Variants in RASA1 observed in about 807,000 individuals in gnomAD.
The protein encoded by RASA1 is ras GTPase-activating protein 1.
A neutral mutation model predicts 132.2 loss-of-function variants in RASA1; 25 were observed. The observed-to-expected ratio is 0.19, with a 90% CI of 0.14 to 0.26. RASA1 has a LOEUF of 0.26. Ranked by LOEUF, RASA1 falls within the 10% of genes least tolerant of loss-of-function variation. RASA1 has a pLI of 1.00. For synonymous variants in RASA1, 477 were observed against 449.9 expected (o/e 1.06, Z -0.76); for missense variants, 964 against 1,299.2 (o/e 0.74, Z 3.97).
At chr5:87,310,988 A>T (rs1458496265) in intron 1 of RASA1, among the ~76,000 whole-genome samples, 1 of 152,198 alleles carries the variant, frequency 6.6e-6, no homozygotes, top group Non-Finnish European at 1.5e-5. Flanking sequence ...AGTAAAAATT[A>T]TTAATTTTAT....
Position 87,376,352 on chromosome 5 carries a change from G to A in RASA1, c.2012-41G>A, listed in dbSNP as rs778893032. On this transcript the variant is annotated intron_variant, in intron 15 of 24. Transcript: ENST00000274376. ...ATTTACTTGCATGACTAATTATCGT[G>A]TTCTCTTTTTAAACAATAATTGCTT... 14 of 1,607,058 alleles carry A rather than the reference G, an allele frequency of 8.7e-6. No individual in the cohort carries two copies. In the East Asian group the frequency reaches 2.7e-4, roughly 31 times the overall value.
At chr5:87,362,225 TTA>T (rs757974315) in intron 9 of RASA1, among the ~76,000 whole-genome samples, 8 of 152,216 alleles carry the variant, frequency 5.3e-5, no homozygotes, top group Non-Finnish European at 7.3e-5. Flanking sequence ...TGGGACAAGT[TTA>T]TGTTTTTAAA....
intron 1 of RASA1, among the ~76,000 whole-genome samples, chr5:87,271,630 C>T (rs1753845370): frequency 6.6e-6 from 1 of 151,114 alleles, no homozygotes; most frequent in Non-Finnish European, 1.5e-5. Flanking sequence ...TTACAGGTGC[C>T]CGCAACCAGG....
chr5:87,270,834 A>T (rs1753799249), intron 1 of RASA1, among the ~76,000 whole-genome samples: 1 of 152,038 alleles, frequency 6.6e-6, no homozygotes, highest in Admixed American at 6.6e-5. Flanking sequence ...AACGGGATGT[A>T]GTATTCCACT....
chr5:87,329,704 C>T (rs569028860), intron 1 of RASA1, among the ~76,000 whole-genome samples: 1 of 152,028 alleles, frequency 6.6e-6, no homozygotes, highest in Admixed American at 6.6e-5. Context: ...TTAATTTTAT[C>T]TTTGTTGGGT....
intron 1 of RASA1, among the ~76,000 whole-genome samples, chr5:87,325,117 A>C (rs1757134336): frequency 6.6e-6 from 1 of 152,078 alleles, no homozygotes; most frequent in African/African-American, 2.4e-5. Flanking sequence ...GCGGAAGGGG[A>C]AGCAAACATG....
At chr5:87,366,688 A>G (rs1308536206) in intron 11 of RASA1, among the ~76,000 whole-genome samples, 1 of 152,202 alleles carries the variant, frequency 6.6e-6, no homozygotes, top group African/African-American at 2.4e-5. Context: ...CTAGTATGAA[A>G]AAGTTATGTT....
At position 87,376,428 on chromosome 5, in the gene RASA1, G is replaced by C; in HGVS notation, c.2047G>C (p.Gly683Arg). The change falls in exon 16 of 25, where the codon GGG becomes CGG. Residue 683 changes from glycine (G) to arginine (R), a missense_variant. Around this residue, in one of 6 missense-constraint regions of RASA1, gnomAD observed 346 missense variants for 520.1 expected, o/e 0.67. Transcript: ENST00000274376. ...CTGCCAGTTGAGCCGATTACAGAAA[G>C]GGCATGCCACAGATGAATGGTTTCT... ...MRCQLSRLQK[G>R]HATDEWFLLS... The C allele has an allele frequency of 6.2e-7, 1 of 1,613,974 alleles. No homozygotes were observed. Among genetic ancestry groups the C allele is most frequent in the Non-Finnish European group, 8.5e-7 (1 of 1,179,966 alleles).
chr5:87,277,521 G>A (rs2112239190), intron 1 of RASA1, among the ~76,000 whole-genome samples: 1 of 152,274 alleles, frequency 6.6e-6, no homozygotes, highest in East Asian at 1.9e-4. Context: ...GCCTTCATTT[G>A]TCAGCTAAGG....
chr5:87,355,394 C>T (rs998386901), intron 9 of RASA1, among the ~76,000 whole-genome samples: 10 of 152,184 alleles, frequency 6.6e-5, no homozygotes, highest in African/African-American at 2.4e-4. Context: ...TGCCTGTGCT[C>T]TGTCAATGGA....
At chr5:87,317,897 A>G (rs1238930640) in intron 1 of RASA1, among the ~76,000 whole-genome samples, 2 of 151,870 alleles carry the variant, frequency 1.3e-5, no homozygotes, top group African/African-American at 4.8e-5. Context: ...CAGCATCCCA[A>G]ATTTCTATAA....
At chr5:87,355,465 C>T (rs993940190) in intron 9 of RASA1, among the ~76,000 whole-genome samples, 20 of 152,154 alleles carry the variant, frequency 1.3e-4, no homozygotes, top group African/African-American at 4.8e-4. Context: ...TATTTTAAGG[C>T]CACTGTTGAA....
chr5:87,383,778 C>A lies in RASA1; in HGVS notation c.2756C>A (p.Ser919Ter). 1 of 1,607,848 alleles carries A rather than the reference C, an allele frequency of 6.2e-7. No individual in the cohort carries two copies. The highest frequency in any genetic ancestry group is 1.1e-5 in the South Asian group (1 of 90,466). ...ILNPRMFNIISDSPSPIAART... is the reference protein window; with the variant it reads ...ILNPRMFNII ...AATCCACGGATGTTCAATATCATCT[C>A]AGGTAATCAGCTTTTGATACATTTT... Residue 919 changes from serine to a stop codon, truncating the protein, a stop_gained and splice_region_variant, in exon 21 of 25, where the codon TCA becomes TAA. Coordinates refer to ENST00000274376, the MANE Select transcript of RASA1 (RefSeq NM_002890.3). LOFTEE classifies it high-confidence loss of function.
At chr5:87,356,996 TTGAA>T (rs750362723) in intron 9 of RASA1, among the ~76,000 whole-genome samples, 6 of 152,326 alleles carry the variant, frequency 3.9e-5, no homozygotes, top group Admixed American at 2.0e-4. Context: ...TAAATATTGA[TTGAA>T]TGAATGATTC....
intron 16 of RASA1, 92 bp downstream of exon 16, chr5:87,376,657 C>T: frequency 5.5e-6 from 8 of 1,455,308 alleles, no homozygotes; most frequent in East Asian, 2.4e-5. Context: ...CATAGTAATT[C>T]ATAGCTTAGT....
At chr5:87,331,326 A>C in intron 1 of RASA1, 22 bp from the exon 2 acceptor site, 2 of 1,578,570 alleles carry the variant, frequency 1.3e-6, no homozygotes, top group Non-Finnish European at 1.7e-6. Flanking sequence ...ATATTGTAAT[A>C]TCTTCTCTGT....
intron 5 of RASA1, among the ~76,000 whole-genome samples, chr5:87,340,087 C>T (rs1199014424): frequency 6.6e-6 from 1 of 152,132 alleles, no homozygotes; most frequent in Non-Finnish European, 1.5e-5. Context: ...TAGTGTCTGG[C>T]ATTAGTAGGC....
At chr5:87,301,341 AC>A (rs949422276) in intron 1 of RASA1, among the ~76,000 whole-genome samples, 1 of 152,074 alleles carries the variant, frequency 6.6e-6, no homozygotes, top group African/African-American at 2.4e-5. Flanking sequence ...CCTTGGGTAT[AC>A]TTTTTCTTGA....
At chr5:87,277,175 TA>T (rs999842321) in intron 1 of RASA1, among the ~76,000 whole-genome samples, 2 of 152,194 alleles carry the variant, frequency 1.3e-5, no homozygotes, top group African/African-American at 2.4e-5. Context: ...GCTGGAATTT[TA>T]ATGTAAATAC....
Sources: allele counts gnomAD v4.1 joint callset (sites outside exome capture counted in the v4.1 genomes callset), GRCh38; gene constraint gnomAD v4.1.1; regional missense constraint gnomAD v4.1.1; transcripts MANE v1.5; gene names NCBI Gene and HGNC (gene_info 2026-07-23, HGNC 2026-07-21).